The following KCNB2 variants were observed in gnomAD, a reference collection of about 807,000 sequenced individuals.
KCNB2 encodes delayed rectifier potassium channel protein.
Under a neutral mutation model 61.5 loss-of-function variants are expected in KCNB2, and 15 were observed. The ratio of observed to expected loss-of-function variants is 0.24; its 90% CI spans 0.16 to 0.38. The LOEUF (loss-of-function observed/expected upper bound fraction) is 0.38. KCNB2 is among the 10% of genes least tolerant of loss of function. The probability of loss-of-function intolerance (pLI) is 1.00; values close to 1 mark genes in which losing one functional copy is unlikely to be tolerated. For synonymous variants in KCNB2, 457 were observed against 446.0 expected, an observed-to-expected ratio of 1.02 and a Z score of -0.31; for missense variants, 828 against 1,125.2, an observed-to-expected ratio of 0.74 and a Z score of 3.78.
At chr8:72,906,235 C>A (rs950900063) in intron 2 of KCNB2, among the ~76,000 whole-genome samples, 2 of 152,136 alleles carry the variant, frequency 1.3e-5, no homozygotes, top group African/African-American at 4.8e-5. Flanking sequence ...AAAAACAATT[C>A]ATTTCTGATG....
At chr8:72,684,879 T>A (rs1806825121) in intron 2 of KCNB2, among the ~76,000 whole-genome samples, 1 of 152,228 alleles carries the variant, frequency 6.6e-6, no homozygotes, top group Non-Finnish European at 1.5e-5. Context: ...CAACATAATT[T>A]AAGTGTCAAT....
At chr8:72,555,958 C>T (rs1467012071) in intron 1 of KCNB2, among the ~76,000 whole-genome samples, 1 of 151,888 alleles carries the variant, frequency 6.6e-6, no homozygotes, top group African/African-American at 2.4e-5. Flanking sequence ...TAATATCCTT[C>T]GTTTGTTTTT....
At chr8:72,628,055 A>G (rs1585793903) in intron 2 of KCNB2, among the ~76,000 whole-genome samples, 1 of 151,866 alleles carries the variant, frequency 6.6e-6, no homozygotes, top group South Asian at 2.1e-4. Context: ...CCAGGTTCAA[A>G]CGATTCTCCT....
intron 2 of KCNB2, among the ~76,000 whole-genome samples, chr8:72,755,547 A>G (rs1402678361): frequency 6.6e-6 from 1 of 152,228 alleles, no homozygotes; most frequent in Admixed American, 6.5e-5. Context: ...CGATTTGACC[A>G]GACACTTCTT....
At chr8:72,590,495 C>T (rs1416680682) in intron 2 of KCNB2, among the ~76,000 whole-genome samples, 5 of 152,134 alleles carry the variant, frequency 3.3e-5, no homozygotes, top group Non-Finnish European at 5.9e-5. Flanking sequence ...ATATGACATA[C>T]GTGCCACATG....
intron 2 of KCNB2, among the ~76,000 whole-genome samples, chr8:72,885,303 T>C (rs980536400): frequency 1.3e-5 from 2 of 152,170 alleles, no homozygotes; most frequent in Admixed American, 1.3e-4. Flanking sequence ...CTTGTTCACT[T>C]TTAGCTACTA....
At chr8:72,806,389 G>T (rs1809222908) in intron 2 of KCNB2, among the ~76,000 whole-genome samples, 1 of 149,920 alleles carries the variant, frequency 6.7e-6, no homozygotes, top group Non-Finnish European at 1.5e-5. Flanking sequence ...ATTTGGCCAG[G>T]ATCAGGAGAT....
chr8:72,865,477 T>A (rs1805502049), intron 2 of KCNB2, among the ~76,000 whole-genome samples: 1 of 152,110 alleles, frequency 6.6e-6, no homozygotes, highest in South Asian at 2.1e-4. Context: ...CATGAGAAAA[T>A]GTATTTTGAA....
At chr8:72,561,764 T>C (rs1806532393) in intron 1 of KCNB2, among the ~76,000 whole-genome samples, 2 of 25,502 alleles carry the variant, frequency 7.8e-5, no homozygotes, top group African/African-American at 4.4e-4. Flanking sequence ...TATATATGGA[T>C]ATATATATAT....
chr8:72,903,548 C>T (rs1214694848), intron 2 of KCNB2, among the ~76,000 whole-genome samples: 1 of 151,852 alleles, frequency 6.6e-6, no homozygotes, highest in African/African-American at 2.4e-5. Flanking sequence ...GCCAGTGCAC[C>T]CCAGCCTGGG....
intron 2 of KCNB2, among the ~76,000 whole-genome samples, chr8:72,795,663 A>G (rs1809019833): frequency 6.6e-6 from 1 of 152,198 alleles, no homozygotes. Context: ...TTAGAATTTC[A>G]CCCTTCAAAT....
chr8:72,633,020 GA>G (rs1805904155), intron 2 of KCNB2, among the ~76,000 whole-genome samples: 4 of 152,188 alleles, frequency 2.6e-5, no homozygotes, highest in Admixed American at 2.0e-4. Context: ...TTCCAGGCTA[GA>G]AGTCCAGTGG....
At chr8:72,789,939 T>C (rs1808910566) in intron 2 of KCNB2, among the ~76,000 whole-genome samples, 1 of 152,096 alleles carries the variant, frequency 6.6e-6, no homozygotes, top group South Asian at 2.1e-4. Context: ...AGTTTGCAGT[T>C]AATTAGAGAT....
At chr8:72,625,333 T>G (rs1028831590) in intron 2 of KCNB2, among the ~76,000 whole-genome samples, 1 of 152,136 alleles carries the variant, frequency 6.6e-6, no homozygotes, top group Non-Finnish European at 1.5e-5. Context: ...ACATAGACAT[T>G]TTAGAAGCTT....
At chr8:72,785,816 C>T (rs1174966236) in intron 2 of KCNB2, among the ~76,000 whole-genome samples, 1 of 152,064 alleles carries the variant, frequency 6.6e-6, no homozygotes, top group Non-Finnish European at 1.5e-5. Context: ...CATTCAGTAA[C>T]TACTGAGTGC....
At chr8:72,837,360 G>C (rs967568297) in intron 2 of KCNB2, among the ~76,000 whole-genome samples, 1 of 152,174 alleles carries the variant, frequency 6.6e-6, no homozygotes, top group Middle Eastern at 3.2e-3. Context: ...GGGGGAATTT[G>C]AGCCCTCTTG....
chr8:72,648,572 C>CTT (rs36081843), intron 2 of KCNB2, among the ~76,000 whole-genome samples: 3,809 of 143,912 alleles, frequency 0.026, 146 homozygotes, highest in African/African-American at 0.082. Context: ...CCACACCTGG[C>CTT]TTTTTTTTTT....
At chr8:72,562,454 CT>C in intron 1 of KCNB2, among the ~76,000 whole-genome samples, 1 of 152,018 alleles carries the variant, frequency 6.6e-6, no homozygotes, top group East Asian at 1.9e-4. Flanking sequence ...TACAGAGCTG[CT>C]TTTTTTTCTC....
At chr8:72,621,617 CATGCAGT>C (rs1463114288) in intron 2 of KCNB2, among the ~76,000 whole-genome samples, 6 of 152,080 alleles carry the variant, frequency 3.9e-5, no homozygotes, top group Non-Finnish European at 7.4e-5. Flanking sequence ...TGGATACAGG[CATGCAGT>C]GTGTGATAAT....
Sources: allele counts gnomAD v4.1 joint callset (sites outside exome capture counted in the v4.1 genomes callset), GRCh38; gene constraint gnomAD v4.1.1; transcripts MANE v1.5; gene names NCBI Gene and HGNC (gene_info 2026-07-23, HGNC 2026-07-21).